NGEF: variants seen among roughly 807,000 people sequenced by gnomAD.
NGEF encodes neuronal guanine nucleotide exchange factor.
Under a neutral mutation model 80.9 loss-of-function variants are expected in NGEF, and 31 were observed. That is an observed-to-expected ratio of 0.38 (90% CI 0.29 to 0.52). NGEF has a LOEUF of 0.52. Ranked by LOEUF, NGEF falls within the 20% of genes least tolerant of loss-of-function variation. NGEF has a pLI of 0.84. For missense variants in NGEF, 709 were observed against 926.2 expected, an observed-to-expected ratio of 0.77 and a Z score of 3.04; for synonymous variants, 371 against 370.2, an observed-to-expected ratio of 1.00 and a Z score of -0.03.
intron 3 of NGEF, chr2:232,928,059 T>C: frequency 8.6e-7 from 1 of 1,157,002 alleles, no homozygotes; most frequent in Non-Finnish European, 1.1e-6. Context: ...GGCCCTGGGC[T>C]GGGTCGGGGG....
intron 1 of NGEF, among the ~76,000 whole-genome samples, chr2:232,993,870 CCA>C (rs1694724408): frequency 1.3e-5 from 2 of 152,192 alleles, no homozygotes; most frequent in South Asian, 4.2e-4. Context: ...ACCGGAGACT[CCA>C]CAGAGACTGA....
chr2:232,950,340 A>G (rs1282272517), intron 3 of NGEF, among the ~76,000 whole-genome samples: 1 of 152,192 alleles, frequency 6.6e-6, no homozygotes, highest in African/African-American at 2.4e-5. Context: ...GGATATGTAT[A>G]TGTTTTAACA....
chr2:232,953,228 G>A (rs1366112540), intron 3 of NGEF, among the ~76,000 whole-genome samples: 2 of 146,768 alleles, frequency 1.4e-5, no homozygotes, highest in East Asian at 4.1e-4. Context: ...CTGAAACCCA[G>A]GAGGCAGAAG....
At chr2:232,903,961 GTATGT>G (rs1280548150) in intron 5 of NGEF, among the ~76,000 whole-genome samples, 1 of 152,146 alleles carries the variant, frequency 6.6e-6, no homozygotes, top group African/African-American at 2.4e-5. Context: ...ATACAACTCT[GTATGT>G]CAGAGGCTGT....
intron 5 of NGEF, among the ~76,000 whole-genome samples, chr2:232,899,146 AGT>A (rs142804753): frequency 6.6e-6 from 1 of 150,894 alleles, no homozygotes; most frequent in Non-Finnish European, 1.5e-5. Context: ...AGAGTATGAG[AGT>A]GTGTGACAGT....
At chr2:233,001,441 G>C (rs1694976196) in intron 1 of NGEF, among the ~76,000 whole-genome samples, 1 of 152,214 alleles carries the variant, frequency 6.6e-6, no homozygotes, top group Non-Finnish European at 1.5e-5. Context: ...ACTCAGACCT[G>C]AGGAAGGTTT....
At chr2:232,891,835 G>A (rs1003907816) in intron 7 of NGEF, among the ~76,000 whole-genome samples, 4 of 152,216 alleles carry the variant, frequency 2.6e-5, no homozygotes, top group African/African-American at 4.8e-5. Flanking sequence ...ACAGGAACGG[G>A]CAGCAGGCTA....
Position 232,906,205 on chromosome 2 carries a change from C to A in NGEF, c.829-11289G>T, listed in dbSNP as rs1437964410. 1.5e-4 allele frequency among the ~76,000 whole-genome samples: 4 copies of A among 26,496 alleles called. 1 individual carries two copies. The highest frequency in any genetic ancestry group is 5.9e-4 in the African/African-American group (4 of 6,750). The allele number at this position is 26,496 out of a possible 152,430, so 17.4% of individuals were successfully genotyped here. On this transcript the variant is annotated intron_variant, in intron 5 of 14. Transcript: ENST00000264051. Reference sequence around the variant, plus strand: ...CCCCCGCCTGGCCAGCCGCCCCGTCCGGGAAGGAGGTGGGGGGGGGTCAGC... The same window carrying A: ...CCCCCGCCTGGCCAGCCGCCCCGTCAGGGAAGGAGGTGGGGGGGGGTCAGC...
At position 232,948,147 on chromosome 2, in the gene NGEF, ATGTGTGTGTGTGTG is replaced by A. The variant is rs375640068; in HGVS notation, c.384-20975_384-20962del. Among the ~76,000 whole-genome samples, 1,335 of 141,644 alleles carry A rather than the reference ATGTGTGTGTGTGTG, an allele frequency of 9.4e-3. 23 individuals are homozygous for A. Among genetic ancestry groups the A allele is most frequent in the African/African-American group, 0.033 (1,268 of 38,030 alleles). The allele number at this position is 141,644 out of a possible 152,430, so 92.9% of individuals were successfully genotyped here. On this transcript the variant is annotated intron_variant, in intron 3 of 14. Coordinates refer to ENST00000264051, the MANE Select transcript of NGEF (RefSeq NM_019850.3). Reference sequence around the variant, plus strand: ...GGGGTCATTTGAATATAGCCTGGAGATGTGTGTGTGTGTGTGTGTGTGTGTGTGTGTGTGTGTAT... The same window carrying A: ...GGGGTCATTTGAATATAGCCTGGAGATGTGTGTGTGTGTGTGTGTGTGTAT...
At chr2:232,903,622 T>C (rs1692417990) in intron 5 of NGEF, among the ~76,000 whole-genome samples, 1 of 152,232 alleles carries the variant, frequency 6.6e-6, no homozygotes, top group Non-Finnish European at 1.5e-5. Context: ...ACTTTGCTAC[T>C]TTGTTAAAAC....
intron 12 of NGEF, among the ~76,000 whole-genome samples, chr2:232,882,787 C>G (rs901285190): frequency 1.3e-5 from 2 of 152,174 alleles, no homozygotes; most frequent in African/African-American, 4.8e-5. Flanking sequence ...ACTGCAATCT[C>G]AGCTCACTGC....
chr2:232,883,435 G>A lies in NGEF; in HGVS notation c.1633C>T (p.Arg545Trp), dbSNP rs770043531. 1.2e-6 allele frequency: 2 copies of A among 1,607,452 alleles called. No homozygotes were observed. The highest frequency in any genetic ancestry group is 1.7e-6 in the Non-Finnish European group (2 of 1,177,174). ...AGCTCCTCCACACGCAGCAGTCCCC[G>A]CGGAGCTGAGTCAAATACCTGGTAC... ...DKYQVFDSAP[R>W]GLLRVEELED... Residue 545 changes from arginine to tryptophan, a missense_variant, in exon 12 of 15, where the codon CGG becomes TGG. Coordinates refer to ENST00000264051, the MANE Select transcript of NGEF (RefSeq NM_019850.3).
Position 232,920,307 on chromosome 2 carries a change from GC to G in NGEF, c.804del (p.Gln268HisfsTer25). 1 of 1,613,894 alleles carries G rather than the reference GC, an allele frequency of 6.2e-7. No individual in the cohort carries two copies. The highest frequency in any genetic ancestry group is 8.5e-7 in the Non-Finnish European group (1 of 1,179,972). ...ACCTCCTGCAGCTTAATCTCCTCGG[GC>G]TGTAGGATCTCAAGCACCCCGCTGC... The part of the protein sequence containing the change: ...IRSSGVLEIL[Q>X]PEEIKLQEAM... On this transcript the variant is annotated frameshift_variant, in exon 5 of 15. Coordinates refer to ENST00000264051, the MANE Select transcript of NGEF (RefSeq NM_019850.3). LOFTEE classifies it high-confidence loss of function.
At chr2:232,944,273 A>G (rs1693504139) in intron 3 of NGEF, among the ~76,000 whole-genome samples, 1 of 152,140 alleles carries the variant, frequency 6.6e-6, no homozygotes, top group Non-Finnish European at 1.5e-5. Flanking sequence ...AAAAAGAACT[A>G]CAAGTGCATT....
At position 232,885,771 on chromosome 2, in the gene NGEF, C is replaced by T. The variant is rs1489737469; in HGVS notation, c.1348-402G>A. On this transcript the variant is annotated intron_variant, in intron 9 of 14. Coordinates refer to ENST00000264051, the MANE Select transcript of NGEF (RefSeq NM_019850.3). ...ACGCTTCCTGGGGCTCCCGAGGACT[C>T]GTTCTGAAGGAAGACAATTCTGCAG... Among the ~76,000 whole-genome samples the T allele has an allele frequency of 2.6e-5, 4 of 152,264 alleles. No individual in the cohort carries two copies. The South Asian group carries it at 6.2e-4, about 24-fold the overall frequency.
At chr2:232,887,108 T>G (rs1034278618) in intron 9 of NGEF, among the ~76,000 whole-genome samples, 1 of 152,332 alleles carries the variant, frequency 6.6e-6, no homozygotes, top group East Asian at 1.9e-4. Flanking sequence ...GAGAGTGATA[T>G]TCTTTTTACT....
intron 3 of NGEF, among the ~76,000 whole-genome samples, chr2:232,969,338 G>A (rs1425575065): frequency 1.1e-4 from 17 of 151,838 alleles, no homozygotes; most frequent in African/African-American, 4.1e-4. Context: ...TCAAAATCCT[G>A]GGCTCAAACA....
chr2:232,998,548 G>A (rs573036252), intron 1 of NGEF, among the ~76,000 whole-genome samples: 3 of 152,254 alleles, frequency 2.0e-5, no homozygotes, highest in Admixed American at 6.5e-5. Context: ...CTCACCAGCC[G>A]GCTCATGCCA....
intron 5 of NGEF, among the ~76,000 whole-genome samples, chr2:232,906,169 GGGGGGT>G (rs1692522540): frequency 3.6e-5 from 1 of 27,886 alleles, no homozygotes; most frequent in Non-Finnish European, 8.5e-5. Context: ...GAGGGAGGTG[GGGGGGT>G]CAGCCCCCCG....
Sources: allele counts gnomAD v4.1 joint callset (sites outside exome capture counted in the v4.1 genomes callset), GRCh38; gene constraint gnomAD v4.1.1; transcripts MANE v1.5; gene names NCBI Gene and HGNC (gene_info 2026-07-23, HGNC 2026-07-21).